The following WDPCP variants were observed in gnomAD, a reference collection of about 807,000 sequenced individuals.
The protein encoded by WDPCP is WD repeat containing planar cell polarity effector.
Under a neutral mutation model 93.1 loss-of-function variants are expected in WDPCP, and 71 were observed. That is an observed-to-expected ratio of 0.76 (90% CI 0.63 to 0.93). WDPCP has a LOEUF of 0.93. WDPCP is among the 40% of genes least tolerant of loss of function. The probability of loss-of-function intolerance (pLI) is 0.00; values close to 1 mark genes in which losing one functional copy is unlikely to be tolerated. For missense variants in WDPCP, 844 were observed against 887.4 expected, an observed-to-expected ratio of 0.95 and a Z score of 0.62; for synonymous variants, 315 against 315.0, an observed-to-expected ratio of 1.00 and a Z score of 0.00.
At chr2:63,270,441 C>T (rs1195658377) in intron 13 of WDPCP, among the ~76,000 whole-genome samples, 5 of 151,090 alleles carry the variant, frequency 3.3e-5, no homozygotes, top group South Asian at 2.1e-4. Context: ...TTTCTTATGT[C>T]GATTTTAGCC....
At chr2:63,707,601 T>C (rs1267502638) in intron 2 of WDPCP, among the ~76,000 whole-genome samples, 1 of 152,340 alleles carries the variant, frequency 6.6e-6, no homozygotes, top group African/African-American at 2.4e-5. Context: ...AATAGTTTGA[T>C]CTTCTGAAGC....
At chr2:63,762,225 A>G (rs1358869361) in intron 2 of WDPCP, among the ~76,000 whole-genome samples, 1 of 152,172 alleles carries the variant, frequency 6.6e-6, no homozygotes, top group African/African-American at 2.4e-5. Flanking sequence ...GGAAAAGAGA[A>G]GAGTTGGTGA....
chr2:63,203,499 CTA>C (rs1676085712), intron 14 of WDPCP, among the ~76,000 whole-genome samples: 3 of 152,088 alleles, frequency 2.0e-5, no homozygotes, highest in Non-Finnish European at 4.4e-5. Flanking sequence ...CTTCTACTCT[CTA>C]TTTTACAATC....
chr2:63,339,838 T>C (rs1344268779), intron 12 of WDPCP, among the ~76,000 whole-genome samples: 2 of 152,332 alleles, frequency 1.3e-5, no homozygotes, highest in East Asian at 1.9e-4. Flanking sequence ...TTGTCATAGA[T>C]GGCCTTTATT....
chr2:63,208,909 T>A (rs919683417), intron 14 of WDPCP, among the ~76,000 whole-genome samples: 1 of 152,194 alleles, frequency 6.6e-6, no homozygotes, highest in Non-Finnish European at 1.5e-5. Context: ...AACACCTGCA[T>A]TATTATTTCA....
chr2:63,692,211 A>G (rs1369959229), intron 2 of WDPCP, among the ~76,000 whole-genome samples: 1 of 152,132 alleles, frequency 6.6e-6, no homozygotes, highest in East Asian at 1.9e-4. Context: ...AGATGGCTCT[A>G]CAGAGCAACA....
At chr2:63,445,068 G>C (rs1189656858) in intron 6 of WDPCP, among the ~76,000 whole-genome samples, 1 of 151,990 alleles carries the variant, frequency 6.6e-6, no homozygotes, top group Non-Finnish European at 1.5e-5. Context: ...GGTACTTTGA[G>C]GGAAATGAGA....
chr2:63,419,480 A>C (rs564412151), intron 9 of WDPCP, among the ~76,000 whole-genome samples: 27 of 152,146 alleles, frequency 1.8e-4, no homozygotes, highest in Non-Finnish European at 3.1e-4. Flanking sequence ...GCCAACTATA[A>C]ATCAGTCATA....
chr2:63,231,728 T>C (rs1399073934), intron 14 of WDPCP, among the ~76,000 whole-genome samples: 1 of 152,102 alleles, frequency 6.6e-6, no homozygotes, highest in Non-Finnish European at 1.5e-5. Context: ...ATAGGAAGAA[T>C]CAATATCATG....
intron 12 of WDPCP, among the ~76,000 whole-genome samples, chr2:63,349,193 GT>G (rs894146968): frequency 1.3e-5 from 2 of 150,552 alleles, no homozygotes; most frequent in Non-Finnish European, 3.0e-5. Flanking sequence ...AAAGTTCCTG[GT>G]TTTTTTTTCT....
At chr2:63,652,303 T>C (rs1710118651) in intron 2 of WDPCP, among the ~76,000 whole-genome samples, 1 of 152,246 alleles carries the variant, frequency 6.6e-6, no homozygotes, top group South Asian at 2.1e-4. Flanking sequence ...TGGCACAACC[T>C]CTGGGTGAAG....
At chr2:63,301,692 C>G (rs1244519504) in intron 13 of WDPCP, among the ~76,000 whole-genome samples, 3 of 152,100 alleles carry the variant, frequency 2.0e-5, no homozygotes, top group African/African-American at 7.2e-5. Flanking sequence ...AACAAGGTGT[C>G]AGGACCCAGG....
chr2:63,257,537 G>A (rs1283877663), intron 14 of WDPCP, among the ~76,000 whole-genome samples: 2 of 152,168 alleles, frequency 1.3e-5, no homozygotes, highest in African/African-American at 4.8e-5. Context: ...TTATTTAATA[G>A]TATCTTTGTC....
At position 63,280,395 on chromosome 2, in the gene WDPCP, C is replaced by T. The variant is rs183213268; in HGVS notation, c.1813-20986G>A. 4.3e-4 allele frequency among the ~76,000 whole-genome samples: 66 copies of T among 152,208 alleles called. No homozygotes were observed. In the East Asian group the frequency reaches 6.6e-3, roughly 15 times the overall value. ...ATCACAAGAATAGCATGAGACAGAC[C>T]GACCCCCATGATTCAATTACCTCCC... is the stretch of plus-strand genomic sequence containing the variant. On this transcript the variant is annotated intron_variant, in intron 13 of 17. Coordinates refer to ENST00000272321, the MANE Select transcript of WDPCP (RefSeq NM_015910.7).
intron 13 of WDPCP, among the ~76,000 whole-genome samples, chr2:63,264,939 T>A (rs1488099506): frequency 1.3e-5 from 2 of 152,312 alleles, no homozygotes; most frequent in East Asian, 3.9e-4. Context: ...CACAAACATG[T>A]ATAAATGAAG....
At chr2:63,559,737 G>A (rs1036610295) in intron 1 of WDPCP, among the ~76,000 whole-genome samples, 1 of 152,092 alleles carries the variant, frequency 6.6e-6, no homozygotes, top group Non-Finnish European at 1.5e-5. Context: ...GGAAGTGAAG[G>A]ACCTCTTCAA....
intron 1 of WDPCP, among the ~76,000 whole-genome samples, chr2:63,531,823 C>G (rs1187797772): frequency 1.3e-5 from 2 of 152,154 alleles, no homozygotes; most frequent in Non-Finnish European, 2.9e-5. Context: ...GATCGCAGCT[C>G]CTCGCCAGCA....
chr2:63,669,813 C>A (rs537705938), intron 2 of WDPCP, among the ~76,000 whole-genome samples: 98 of 152,292 alleles, frequency 6.4e-4, no homozygotes, highest in Non-Finnish European at 1.2e-3. Context: ...GCACCATCCA[C>A]GTCATGGTCT....
At chr2:63,469,565 G>A (rs1699566544) in intron 6 of WDPCP, among the ~76,000 whole-genome samples, 1 of 152,182 alleles carries the variant, frequency 6.6e-6, no homozygotes, top group African/African-American at 2.4e-5. Context: ...GATAGCGCTG[G>A]AGGCCATTAT....
Sources: gnomAD v4.1 joint callset for allele counts (sites outside exome capture counted in the v4.1 genomes callset) on GRCh38, gnomAD v4.1.1 for gene constraint, MANE v1.5 for transcripts, NCBI Gene and HGNC (gene_info 2026-07-23, HGNC 2026-07-21) for gene names.